NCR2: variants seen among roughly 807,000 people sequenced by gnomAD.
The protein encoded by NCR2 is NK cell activating receptor (NKp44).
Under a neutral mutation model 30.7 loss-of-function variants are expected in NCR2, and 35 were observed. That is an observed-to-expected ratio of 1.14 (90% CI 0.87 to 1.51). The LOEUF is 1.51. Ranked by LOEUF, NCR2 falls within the 40% of genes most tolerant of loss-of-function variation. The pLI, the probability that NCR2 is intolerant of heterozygous loss-of-function variation, is 0.00. For synonymous variants in NCR2, 146 were observed against 134.8 expected (o/e 1.08, Z -0.58); for missense variants, 316 against 328.9 (o/e 0.96, Z 0.30).
At chr6:41,340,248 A>C (rs1769137378) in intron 2 of NCR2, among the ~76,000 whole-genome samples, 1 of 151,394 alleles carries the variant, frequency 6.6e-6, no homozygotes, top group South Asian at 2.1e-4. Flanking sequence ...TGCAACCTCC[A>C]CCTCCCAGGT....
At chr6:41,344,831 G>C (rs533692368) in intron 4 of NCR2, among the ~76,000 whole-genome samples, 2 of 152,178 alleles carry the variant, frequency 1.3e-5, no homozygotes. Flanking sequence ...AGCCCCATGC[G>C]GGCCGCGGGG....
intron 2 of NCR2, among the ~76,000 whole-genome samples, chr6:41,341,504 C>T (rs902105428): frequency 2.0e-5 from 3 of 152,166 alleles, no homozygotes; most frequent in African/African-American, 7.2e-5. Flanking sequence ...CCTTAGGAGG[C>T]TCGGATGGGT....
At chr6:41,349,578 A>T (rs987258557) in intron 4 of NCR2, among the ~76,000 whole-genome samples, 7 of 152,176 alleles carry the variant, frequency 4.6e-5, no homozygotes, top group Admixed American at 2.6e-4. Flanking sequence ...AGCTGACATG[A>T]TGAAGTCTCT....
chr6:41,346,289 C>T (rs114266222), intron 4 of NCR2, among the ~76,000 whole-genome samples: 2,291 of 152,254 alleles, frequency 0.015, 54 homozygotes, highest in African/African-American at 0.051. Flanking sequence ...TGGTCTCGTC[C>T]TCTTCCCTAT....
intron 2 of NCR2, among the ~76,000 whole-genome samples, chr6:41,339,937 TG>T (rs765356163): frequency 1.2e-4 from 18 of 152,336 alleles, no homozygotes; most frequent in Non-Finnish European, 1.9e-4. Context: ...TCAGGAAAGA[TG>T]TTTTTTTTCA....
At chr6:41,339,212 C>T (rs1038180242) in intron 2 of NCR2, among the ~76,000 whole-genome samples, 4 of 152,110 alleles carry the variant, frequency 2.6e-5, no homozygotes, top group African/African-American at 9.7e-5. Context: ...CAGGCGCCTG[C>T]CACCACACCC....
chr6:41,344,523 C>A (rs925719008), intron 4 of NCR2, among the ~76,000 whole-genome samples: 8 of 152,216 alleles, frequency 5.3e-5, no homozygotes, highest in Non-Finnish European at 1.2e-4. Context: ...TGAGAAAGTT[C>A]CCCAAGGTTA....
intron 4 of NCR2, among the ~76,000 whole-genome samples, chr6:41,347,980 C>T (rs546131417): frequency 6.6e-6 from 1 of 152,096 alleles, no homozygotes; most frequent in Non-Finnish European, 1.5e-5. Flanking sequence ...AGAGAGGGTG[C>T]GGAAGGAGGA....
At chr6:41,345,133 G>A (rs1031172178) in intron 4 of NCR2, among the ~76,000 whole-genome samples, 1 of 152,152 alleles carries the variant, frequency 6.6e-6, no homozygotes, top group Non-Finnish European at 1.5e-5. Context: ...TTGAGAGAGA[G>A]GAAAGACAGA....
intron 4 of NCR2, among the ~76,000 whole-genome samples, chr6:41,342,742 C>T (rs1338125739): frequency 6.6e-6 from 1 of 152,136 alleles, no homozygotes; most frequent in African/African-American, 2.4e-5. Context: ...AGGGAAACAG[C>T]CCCCAGGGAG....
At chr6:41,343,121 C>T in intron 4 of NCR2, 1 of 1,120,554 alleles carries the variant, frequency 8.9e-7, no homozygotes, top group Non-Finnish European at 1.3e-6. Flanking sequence ...AGGACTTGAT[C>T]CAAGGCCTTT....
chr6:41,342,247 G>T, intron 4 of NCR2, 98 bp downstream of exon 4: 1 of 1,500,224 alleles, frequency 6.7e-7, no homozygotes, highest in South Asian at 1.2e-5. Context: ...GAACAGAGGT[G>T]GAAATTATAA....
intron 2 of NCR2, among the ~76,000 whole-genome samples, chr6:41,338,413 A>G (rs1769085788): frequency 6.6e-6 from 1 of 152,172 alleles, no homozygotes; most frequent in Non-Finnish European, 1.5e-5. Context: ...TCATAGTAAA[A>G]CTCTCTCAAT....
At chr6:41,349,986 T>C (rs575405903) in intron 4 of NCR2, among the ~76,000 whole-genome samples, 19 of 152,308 alleles carry the variant, frequency 1.2e-4, no homozygotes, top group African/African-American at 4.6e-4. Flanking sequence ...TTTCAAGAGT[T>C]TGCCTGGAAA....
At chr6:41,339,523 T>C (rs573480649) in intron 2 of NCR2, among the ~76,000 whole-genome samples, 1 of 152,218 alleles carries the variant, frequency 6.6e-6, no homozygotes, top group East Asian at 1.9e-4. Flanking sequence ...TAGCTGGGAC[T>C]ACAGGTGCCC....
chr6:41,341,353 A>C (rs1769163246), intron 2 of NCR2, among the ~76,000 whole-genome samples: 1 of 152,130 alleles, frequency 6.6e-6, no homozygotes, highest in South Asian at 2.1e-4. Flanking sequence ...AGGGCTGTGC[A>C]GCAGAACTGG....
At chr6:41,343,948 T>TCA (rs1769241116) in intron 4 of NCR2, among the ~76,000 whole-genome samples, 1 of 152,012 alleles carries the variant, frequency 6.6e-6, no homozygotes, top group East Asian at 1.9e-4. Context: ...GACGCCTGGG[T>TCA]CACCCCAACG....
At chr6:41,339,149 C>A (rs926222315) in intron 2 of NCR2, among the ~76,000 whole-genome samples, 1 of 152,160 alleles carries the variant, frequency 6.6e-6, no homozygotes, top group Non-Finnish European at 1.5e-5. Flanking sequence ...GCAACCTCCA[C>A]CTCCAGGGTT....
chr6:41,339,644 C>G (rs550184594), intron 2 of NCR2, among the ~76,000 whole-genome samples: 105 of 152,314 alleles, frequency 6.9e-4, no homozygotes, highest in Non-Finnish European at 1.2e-3. Flanking sequence ...CTCGGCCTCC[C>G]AAAGTGCTGG....
Sources: gnomAD v4.1 joint callset for allele counts (sites outside exome capture counted in the v4.1 genomes callset) on GRCh38, gnomAD v4.1.1 for gene constraint, MANE v1.5 for transcripts, NCBI Gene and HGNC (gene_info 2026-07-23, HGNC 2026-07-21) for gene names.